Variants in KCND2 observed in about 807,000 individuals in gnomAD.
The protein encoded by KCND2 is potassium voltage-gated channel subfamily D member 2.
In KCND2, 16 loss-of-function variants were observed where a neutral mutation model predicts 54.4. The ratio of observed to expected loss-of-function variants is 0.29; its 90% CI spans 0.20 to 0.45. The LOEUF (loss-of-function observed/expected upper bound fraction) is 0.45. Ranked by LOEUF, KCND2 falls within the 20% of genes least tolerant of loss-of-function variation. The pLI is 1.00. For missense variants in KCND2, 486 were observed against 824.2 expected (o/e 0.59, Z 5.02); for synonymous variants, 317 against 310.7 (o/e 1.02, Z -0.21).
chr7:120,346,333 G>A (rs1263611423), intron 1 of KCND2, among the ~76,000 whole-genome samples: 4 of 152,070 alleles, frequency 2.6e-5, no homozygotes, highest in Non-Finnish European at 2.9e-5. Flanking sequence ...TGCCTTGAGT[G>A]AGTTCATAGA....
At chr7:120,501,726 A>G (rs1412329134) in intron 1 of KCND2, among the ~76,000 whole-genome samples, 1 of 152,140 alleles carries the variant, frequency 6.6e-6, no homozygotes, top group Admixed American at 6.6e-5. Flanking sequence ...CGATAAGCCA[A>G]TCCTGACAAT....
intron 1 of KCND2, among the ~76,000 whole-genome samples, chr7:120,549,957 A>G (rs1792086227): frequency 6.6e-6 from 1 of 152,138 alleles, no homozygotes; most frequent in South Asian, 2.1e-4. Context: ...AGAAATAGTC[A>G]TAAGAGCATA....
intron 1 of KCND2, among the ~76,000 whole-genome samples, chr7:120,675,880 C>G (rs1792054995): frequency 7.8e-6 from 1 of 127,948 alleles, no homozygotes; most frequent in African/African-American, 3.0e-5. Context: ...TTTTTTGAGA[C>G]AGAGTCTCGC....
rs1048386466 is a variant in KCND2 at position 120,639,829 on chromosome 7, G to C, written c.1116-93074G>C. ...AAATGAACAAAAGCTTCACACAAAA[G>C]GATTTTTCTATTTTCCGTGGGTAGA... On this transcript the variant is annotated intron_variant, in intron 1 of 5. Coordinates refer to ENST00000331113, the MANE Select transcript of KCND2 (RefSeq NM_012281.3). Among the ~76,000 whole-genome samples the C allele has an allele frequency of 2.6e-5, 4 of 151,986 alleles. No homozygotes were observed. In the South Asian group the frequency reaches 6.2e-4, roughly 24 times the overall value.
chr7:120,418,740 A>G (rs1801564714), intron 1 of KCND2, among the ~76,000 whole-genome samples: 1 of 152,224 alleles, frequency 6.6e-6, no homozygotes, highest in African/African-American at 2.4e-5. Flanking sequence ...CAGGTTAAAT[A>G]AACAGCTTAG....
chr7:120,457,392 GA>G (rs1231114857), intron 1 of KCND2, among the ~76,000 whole-genome samples: 1 of 152,060 alleles, frequency 6.6e-6, no homozygotes, highest in Non-Finnish European at 1.5e-5. Context: ...GCTCCCTCTT[GA>G]ATTCTTTGCC....
chr7:120,361,219 A>G (rs573668812), intron 1 of KCND2, among the ~76,000 whole-genome samples: 4 of 152,070 alleles, frequency 2.6e-5, no homozygotes, highest in Admixed American at 6.6e-5. Context: ...TAACCTTGAA[A>G]AAAAGGGGCT....
At chr7:120,573,119 C>T (rs1241079459) in intron 1 of KCND2, among the ~76,000 whole-genome samples, 2 of 152,116 alleles carry the variant, frequency 1.3e-5, no homozygotes, top group Admixed American at 6.6e-5. Flanking sequence ...TTACAATTCT[C>T]GAAATTCTAC....
chr7:120,739,838 C>T (rs926767429), intron 2 of KCND2, among the ~76,000 whole-genome samples: 1 of 151,642 alleles, frequency 6.6e-6, no homozygotes, highest in Non-Finnish European at 1.5e-5. Flanking sequence ...CACACGCACT[C>T]CCTTTGGTCC....
chr7:120,278,638 T>G (rs762105610), intron 1 of KCND2, among the ~76,000 whole-genome samples: 112 of 151,878 alleles, frequency 7.4e-4, no homozygotes, highest in Non-Finnish European at 1.4e-3. Context: ...TCTAAAGAAC[T>G]GAGTGTGTCT....
intron 1 of KCND2, among the ~76,000 whole-genome samples, chr7:120,609,664 A>T (rs1792926785): frequency 6.6e-6 from 1 of 152,182 alleles, no homozygotes; most frequent in African/African-American, 2.4e-5. Context: ...ACTTAAGAAC[A>T]GCCTATCTGT....
chr7:120,528,784 C>T (rs1420923571), intron 1 of KCND2, among the ~76,000 whole-genome samples: 1 of 152,146 alleles, frequency 6.6e-6, no homozygotes, highest in East Asian at 1.9e-4. Context: ...ATACCTGTTC[C>T]ATTTACCACT....
At chr7:120,727,637 A>T (rs1045639324) in intron 1 of KCND2, among the ~76,000 whole-genome samples, 2 of 152,134 alleles carry the variant, frequency 1.3e-5, no homozygotes, top group African/African-American at 4.8e-5. Context: ...TATTTTTGGG[A>T]AGTACGCAAA....
chr7:120,311,889 G>A (rs188446494), intron 1 of KCND2, among the ~76,000 whole-genome samples: 2 of 152,132 alleles, frequency 1.3e-5, no homozygotes, highest in Admixed American at 6.5e-5. Context: ...TCCCTGCAAA[G>A]GACATGGTCT....
At chr7:120,554,981 C>A (rs1000399256) in intron 1 of KCND2, among the ~76,000 whole-genome samples, 2 of 152,124 alleles carry the variant, frequency 1.3e-5, no homozygotes, top group Non-Finnish European at 1.5e-5. Flanking sequence ...CTATGAAGTC[C>A]TGATTGGTCC....
At chr7:120,354,951 C>G (rs1279933185) in intron 1 of KCND2, among the ~76,000 whole-genome samples, 2 of 152,146 alleles carry the variant, frequency 1.3e-5, no homozygotes, top group Non-Finnish European at 1.5e-5. Flanking sequence ...CATTAAAACA[C>G]TTTTAGGGGA....
chr7:120,489,374 GA>G (rs142282698), intron 1 of KCND2, among the ~76,000 whole-genome samples: 4,191 of 150,840 alleles, frequency 0.028, 89 homozygotes, highest in Non-Finnish European at 0.046. Flanking sequence ...ACATTTAATA[GA>G]AAATATATTT....
At chr7:120,556,374 C>T (rs1253047284) in intron 1 of KCND2, among the ~76,000 whole-genome samples, 1 of 152,132 alleles carries the variant, frequency 6.6e-6, no homozygotes, top group East Asian at 1.9e-4. Flanking sequence ...TTAAGGTGAC[C>T]CAGCCATTCT....
intron 1 of KCND2, among the ~76,000 whole-genome samples, chr7:120,491,502 C>T (rs1439535872): frequency 6.6e-6 from 1 of 152,004 alleles, no homozygotes; most frequent in African/African-American, 2.4e-5. Flanking sequence ...TTTAGTAGAA[C>T]TATATGTGTT....
Sources: allele counts gnomAD v4.1 joint callset (sites outside exome capture counted in the v4.1 genomes callset), GRCh38; gene constraint gnomAD v4.1.1; transcripts MANE v1.5; gene names NCBI Gene and HGNC (gene_info 2026-07-23, HGNC 2026-07-21).